The following GLRB variants were observed in gnomAD, a reference collection of about 807,000 sequenced individuals.
GLRB encodes glycine receptor subunit beta.
In GLRB, 33 loss-of-function variants were observed where a neutral mutation model predicts 54.2. The ratio of observed to expected loss-of-function variants is 0.61; its 90% confidence interval spans 0.46 to 0.81. The LOEUF (loss-of-function observed/expected upper bound fraction) is 0.81. Among genes scored for constraint, GLRB ranks in the 40% least tolerant of loss-of-function variants. GLRB has a pLI of 0.00. For missense variants in GLRB, 572 were observed against 584.6 expected (o/e 0.98, Z 0.22); for synonymous variants, 209 against 208.2 (o/e 1.00, Z -0.03).
chr4:157,112,511 A>T (rs946150800), intron 2 of GLRB, among the ~76,000 whole-genome samples: 2 of 151,958 alleles, frequency 1.3e-5, no homozygotes, highest in Admixed American at 1.3e-4. Flanking sequence ...TATTTAGTTG[A>T]TGTTGTAGGT....
Position 157,170,851 on chromosome 4 carries a change from TTGTAATAAAAC to T in GLRB, c.*127_*137del. On this transcript the variant is annotated 3_prime_UTR_variant, in exon 10 of 10. Coordinates refer to ENST00000264428, the MANE Select transcript of GLRB (RefSeq NM_000824.5). ...ACATTGCATTTTGGATGCCATTTGATTGTAATAAAACTGTGGCACCTTAATTTTGAATGGCA... is the reference window on the plus strand; with the variant it reads ...ACATTGCATTTTGGATGCCATTTGATTGTGGCACCTTAATTTTGAATGGCA... 1.7e-6 allele frequency: 1 copy of T among 604,834 alleles called. No individual in the cohort carries two copies. Among genetic ancestry groups the T allele is most frequent in the South Asian group, 2.3e-5 (1 of 44,440 alleles). The allele number at this position is 604,834 out of a possible 1,614,324, so 37.5% of individuals were successfully genotyped here.
At chr4:157,099,398 A>ACAAT (rs1488174347) in intron 2 of GLRB, among the ~76,000 whole-genome samples, 1 of 151,922 alleles carries the variant, frequency 6.6e-6, no homozygotes, top group Non-Finnish European at 1.5e-5. Flanking sequence ...GTACAGTGAA[A>ACAAT]CAATCTCAGC....
intron 9 of GLRB, among the ~76,000 whole-genome samples, chr4:157,157,975 T>A (rs1344347656): frequency 6.6e-6 from 1 of 152,208 alleles, no homozygotes; most frequent in South Asian, 2.1e-4. Flanking sequence ...AGCATTCCTA[T>A]TTCTCCACAT....
chr4:157,133,404 G>A (rs940895084), intron 4 of GLRB, among the ~76,000 whole-genome samples: 2 of 151,892 alleles, frequency 1.3e-5, no homozygotes, highest in Non-Finnish European at 2.9e-5. Flanking sequence ...ACAGGTCTCA[G>A]TATAGGTATC....
chr4:157,147,058 G>A (rs897922505), intron 8 of GLRB, among the ~76,000 whole-genome samples: 2 of 152,160 alleles, frequency 1.3e-5, no homozygotes, highest in Admixed American at 6.5e-5. Context: ...CTTTAGACAC[G>A]TTAAGGTTCC....
intron 9 of GLRB, among the ~76,000 whole-genome samples, chr4:157,168,299 A>T (rs902638391): frequency 2.0e-5 from 3 of 152,150 alleles, no homozygotes; most frequent in African/African-American, 7.2e-5. Flanking sequence ...GCAGACAAGA[A>T]GCCACTTTTT....
At chr4:157,152,662 C>T in intron 8 of GLRB, 56 bp from the exon 9 acceptor site, 1 of 1,361,652 alleles carries the variant, frequency 7.3e-7, no homozygotes, top group African/African-American at 1.4e-5. Flanking sequence ...AGTAATGACC[C>T]CAGAACATCT....
intron 4 of GLRB, 198 bp from the exon 5 acceptor site, chr4:157,136,271 A>G (rs1736395088): frequency 3.5e-6 from 2 of 575,342 alleles, no homozygotes; most frequent in South Asian, 4.2e-5. Flanking sequence ...TGCAGAGAGT[A>G]ATTACATAGA....
At position 157,097,702 on chromosome 4, in the gene GLRB, A is replaced by G. The variant is rs549337367; in HGVS notation, c.122+19556A>G. On this transcript the variant is annotated intron_variant, in intron 2 of 9. Transcript: ENST00000264428. ...AGCTCATGAATCCACCACCCAGACAAACAAATAGAGCATTTCTAGTAGTCA... is the reference window on the plus strand; with the variant it reads ...AGCTCATGAATCCACCACCCAGACAGACAAATAGAGCATTTCTAGTAGTCA... Among the ~76,000 whole-genome samples the G allele has an allele frequency of 8.5e-5, 13 of 152,280 alleles. No individual in the cohort carries two copies. The South Asian group carries it at 2.3e-3, about 27-fold the overall frequency.
intron 2 of GLRB, among the ~76,000 whole-genome samples, chr4:157,105,174 T>C (rs1157124180): frequency 6.6e-6 from 1 of 151,870 alleles, no homozygotes; most frequent in East Asian, 1.9e-4. Flanking sequence ...AACATAGACA[T>C]TTATATTATA....
intron 2 of GLRB, among the ~76,000 whole-genome samples, chr4:157,119,099 C>A (rs1272845117): frequency 2.6e-5 from 4 of 151,538 alleles, no homozygotes; most frequent in African/African-American, 4.8e-5. Context: ...TATCATTATT[C>A]AAAGTTAATT....
In GLRB at chr4:157,136,710, T is replaced by A. The variant is rs2126566733; in HGVS notation, c.527+12T>A. 1 of 1,538,776 alleles carries A rather than the reference T, an allele frequency of 6.5e-7. No individual in the cohort carries two copies. The highest frequency in any genetic ancestry group is 1.1e-5 in the South Asian group (1 of 89,506). On this transcript the variant is annotated intron_variant, in intron 5 of 9. Transcript: ENST00000264428. ...CTTGTCAGCATGAGGTACTCTTTTA[T>A]ATTTCATATTTGTGCATTTATATTT... is the stretch of plus-strand genomic sequence containing the variant.
chr4:157,093,219 C>T (rs1236914939), intron 2 of GLRB, among the ~76,000 whole-genome samples: 2 of 151,844 alleles, frequency 1.3e-5, no homozygotes, highest in Non-Finnish European at 2.9e-5. Context: ...GACAATCTTC[C>T]CTTTCATAGA....
At chr4:157,077,311 T>A (rs2126406109) in intron 1 of GLRB, among the ~76,000 whole-genome samples, 1 of 152,288 alleles carries the variant, frequency 6.6e-6, no homozygotes, top group African/African-American at 2.4e-5. Context: ...TCTGAAGTAA[T>A]CTTTTTGATG....
At chr4:157,107,472 A>G (rs1484985867) in intron 2 of GLRB, among the ~76,000 whole-genome samples, 1 of 152,130 alleles carries the variant, frequency 6.6e-6, no homozygotes, top group Non-Finnish European at 1.5e-5. Context: ...AAACAGTCTT[A>G]TTGCTGAGCT....
intron 4 of GLRB, among the ~76,000 whole-genome samples, chr4:157,134,681 A>G (rs1736337534): frequency 6.6e-6 from 1 of 152,120 alleles, no homozygotes; most frequent in Admixed American, 6.6e-5. Context: ...TAATACTGAA[A>G]TGCTCTTGTC....
chr4:157,150,638 G>A (rs548420273), intron 8 of GLRB, among the ~76,000 whole-genome samples: 4 of 151,968 alleles, frequency 2.6e-5, no homozygotes, highest in Admixed American at 2.0e-4. Flanking sequence ...CATGATCATC[G>A]GTTCTTTGTT....
intron 9 of GLRB, among the ~76,000 whole-genome samples, chr4:157,166,763 T>C (rs1737725553): frequency 1.3e-5 from 2 of 152,068 alleles, no homozygotes; most frequent in Admixed American, 6.6e-5. Flanking sequence ...TTTGTAATGT[T>C]ATGGCTTCAA....
intron 2 of GLRB, among the ~76,000 whole-genome samples, chr4:157,082,964 T>TTTTATATATA (rs1180920266): frequency 1.0e-3 from 146 of 139,652 alleles, no homozygotes; most frequent in Middle Eastern, 3.6e-3. Flanking sequence ...GAATAGTGTT[T>TTTTATATATA]TATATATATA....
Sources: gnomAD v4.1 joint callset for allele counts (sites outside exome capture counted in the v4.1 genomes callset) on GRCh38, gnomAD v4.1.1 for gene constraint, MANE v1.5 for transcripts, NCBI Gene and HGNC (gene_info 2026-07-23, HGNC 2026-07-21) for gene names.